The following FLI1 variants were observed in gnomAD, a reference collection of about 807,000 sequenced individuals.
FLI1 encodes the protein Friend leukemia integration 1 transcription factor.
FLI1 carries 13 observed loss-of-function variants against 53.1 expected under a neutral mutation model. The ratio of observed to expected loss-of-function variants is 0.24; its 90% CI spans 0.16 to 0.39. The LOEUF is 0.39. Among genes scored for constraint, FLI1 ranks in the 10% least tolerant of loss-of-function variants. The pLI, the probability that FLI1 is intolerant of heterozygous loss-of-function variation, is 1.00. For synonymous variants in FLI1, 244 were observed against 236.7 expected, an observed-to-expected ratio of 1.03 and a Z score of -0.28; for missense variants, 424 against 600.5, an observed-to-expected ratio of 0.71 and a Z score of 3.07.
At chr11:128,696,690 T>C (rs1432100981) in intron 1 of FLI1, among the ~76,000 whole-genome samples, 1 of 152,234 alleles carries the variant, frequency 6.6e-6, no homozygotes, top group African/African-American at 2.4e-5. Flanking sequence ...GAGAATCTAA[T>C]TTGTGTACAC....
At chr11:128,798,710 C>T (rs1591383314) in intron 5 of FLI1, among the ~76,000 whole-genome samples, 3 of 152,164 alleles carry the variant, frequency 2.0e-5, no homozygotes, top group African/African-American at 7.2e-5. Flanking sequence ...TCCAAGGTCT[C>T]AGTGGATGCC....
rs1285098123 is a variant in FLI1 at position 128,758,179 on chromosome 11, A to G, written c.83A>G (p.His28Arg). Residue 28 changes from histidine (H) to arginine (R), a missense_variant, in exon 2 of 9, where the codon CAT becomes CGT. Coordinates refer to ENST00000527786, the MANE Select transcript of FLI1 (RefSeq NM_002017.5). ...GACTCAGCGTACGGAGCGGCAGCCC[A>G]TCTCCCCAAGGCCGACATGACTGCC... ...LFDSAYGAAA[H>R]LPKADMTASG... 1 of 1,613,230 alleles carries G rather than the reference A, an allele frequency of 6.2e-7. No homozygotes were observed.
intron 1 of FLI1, among the ~76,000 whole-genome samples, chr11:128,753,545 G>T (rs931030818): frequency 2.6e-5 from 4 of 152,232 alleles, no homozygotes; most frequent in Non-Finnish European, 4.4e-5. Context: ...TGATTTATCC[G>T]TGGAAAGTTC....
At chr11:128,708,758 T>C (rs1179355894) in intron 1 of FLI1, among the ~76,000 whole-genome samples, 1 of 152,162 alleles carries the variant, frequency 6.6e-6, no homozygotes, top group Non-Finnish European at 1.5e-5. Flanking sequence ...TGTAACAAGA[T>C]TGCTGTAAAT....
chr11:128,727,443 GC>G (rs1939529402), intron 1 of FLI1, among the ~76,000 whole-genome samples: 1 of 152,210 alleles, frequency 6.6e-6, no homozygotes, highest in Admixed American at 6.5e-5. Flanking sequence ...TGGTCTAGAT[GC>G]TGATCTCAGC....
At chr11:128,758,354 G>A in intron 2 of FLI1, 28 bp downstream of exon 2, 1 of 1,593,842 alleles carries the variant, frequency 6.3e-7, no homozygotes. Context: ...GTGCAGGATT[G>A]GGGGAAGGCA....
chr11:128,758,365 C>T, intron 2 of FLI1, 39 bp downstream of exon 2: 1 of 1,560,472 alleles, frequency 6.4e-7, no homozygotes, highest in Non-Finnish European at 8.8e-7. Flanking sequence ...GGGGAAGGCA[C>T]AAAGTCGCCA....
At chr11:128,688,520 G>A (rs924585353) in intron 1 of FLI1, among the ~76,000 whole-genome samples, 11 of 152,200 alleles carry the variant, frequency 7.2e-5, no homozygotes, top group South Asian at 2.1e-4. Context: ...CCCTGCCGTT[G>A]TCCGGCAGGC....
rs533111924 is a variant in FLI1 at position 128,811,091 on chromosome 11, T to G, written c.*103T>G. ...TGTGGCCTTGAAGGGAAGACAAAAC[T>G]GGATGTTCTTTCTTGTTGGATAGAA... On this transcript the variant is annotated 3_prime_UTR_variant, in exon 9 of 9. Coordinates refer to ENST00000527786, the MANE Select transcript of FLI1 (RefSeq NM_002017.5). The G allele has an allele frequency of 4.0e-5, 43 of 1,078,086 alleles. No homozygotes were observed. The highest frequency in any genetic ancestry group is 3.8e-4 in the African/African-American group (24 of 63,170). The allele number at this position is 1,078,086 out of a possible 1,614,324, so 66.8% of individuals were successfully genotyped here. A position where few individuals can be genotyped will look rare whatever the true frequency, so the allele number is the denominator to read the frequency against.
chr11:128,799,953 G>A (rs922293292), intron 5 of FLI1, among the ~76,000 whole-genome samples: 4 of 152,258 alleles, frequency 2.6e-5, no homozygotes, highest in South Asian at 2.1e-4. Context: ...ACCAGTACAC[G>A]TCATAACCTG....
rs543883407 is a variant in FLI1 at position 128,783,746 on chromosome 11, C to T, written c.655+1723C>T. On this transcript the variant is annotated intron_variant, in intron 5 of 8. Coordinates refer to ENST00000527786, the MANE Select transcript of FLI1 (RefSeq NM_002017.5). ...AGAGAAGAACTCTGTCAGCAAGAGG[C>T]CAGCCCTGACTCTGGAGATCTTGGC... Among the ~76,000 whole-genome samples the T allele has an allele frequency of 2.6e-5, 4 of 152,316 alleles. No individual in the cohort carries two copies. In the East Asian group the frequency reaches 7.7e-4, roughly 29 times the overall value.
At chr11:128,750,633 T>A (rs12290849) in intron 1 of FLI1, among the ~76,000 whole-genome samples, 4,022 of 152,280 alleles carry the variant, frequency 0.026, 170 homozygotes, top group African/African-American at 0.092. Flanking sequence ...CGGCCTTAGC[T>A]AGACTGTTTG....
intron 5 of FLI1, among the ~76,000 whole-genome samples, chr11:128,797,434 C>T (rs971378816): frequency 6.6e-6 from 1 of 152,208 alleles, no homozygotes; most frequent in Non-Finnish European, 1.5e-5. Flanking sequence ...AATTATGGAA[C>T]TATGTAGAGC....
chr11:128,753,650 A>C (rs1940740658), intron 1 of FLI1, among the ~76,000 whole-genome samples: 1 of 152,356 alleles, frequency 6.6e-6, no homozygotes, highest in South Asian at 2.1e-4. Context: ...AGTTTAAGTA[A>C]AGAGCTTTAT....
intron 1 of FLI1, among the ~76,000 whole-genome samples, chr11:128,732,550 T>C (rs1939742670): frequency 6.6e-6 from 1 of 152,128 alleles, no homozygotes; most frequent in Admixed American, 6.5e-5. Context: ...TTTGCATAGG[T>C]GAATATCTAA....
chr11:128,783,549 A>G (rs1941990808), intron 5 of FLI1, among the ~76,000 whole-genome samples: 1 of 152,156 alleles, frequency 6.6e-6, no homozygotes, highest in African/African-American at 2.4e-5. Context: ...GATTCATTCT[A>G]CATTGTGAGT....
intron 1 of FLI1, among the ~76,000 whole-genome samples, chr11:128,719,356 CGTGTGTGT>C (rs56336914): frequency 0.09 from 13,052 of 145,182 alleles, 668 homozygotes; most frequent in African/African-American, 0.12. Flanking sequence ...CCCCTTTTCC[CGTGTGTGT>C]GTGTGTGTGT....
At chr11:128,745,913 C>T (rs1333716719) in intron 1 of FLI1, among the ~76,000 whole-genome samples, 1 of 152,184 alleles carries the variant, frequency 6.6e-6, no homozygotes, top group Non-Finnish European at 1.5e-5. Context: ...GCAACTGCCA[C>T]GTGAGGAAAT....
At chr11:128,710,893 T>C (rs903438806) in intron 1 of FLI1, among the ~76,000 whole-genome samples, 2 of 152,248 alleles carry the variant, frequency 1.3e-5, no homozygotes, top group Non-Finnish European at 2.9e-5. Context: ...ATATAGCTCT[T>C]GCACAATTTT....
Sources: allele counts gnomAD v4.1 joint callset (sites outside exome capture counted in the v4.1 genomes callset), GRCh38; gene constraint gnomAD v4.1.1; transcripts MANE v1.5; gene names NCBI Gene and HGNC (gene_info 2026-07-23, HGNC 2026-07-21).